The following GALNTL6 variants were observed in gnomAD, a reference collection of about 807,000 sequenced individuals.
GALNTL6 encodes the protein polypeptide N-acetylgalactosaminyltransferase like 6.
Under a neutral mutation model 73.7 loss-of-function variants are expected in GALNTL6, and 46 were observed. That is an observed-to-expected ratio of 0.62 (90% CI 0.49 to 0.80). The LOEUF (loss-of-function observed/expected upper bound fraction) is 0.80. Ranked by LOEUF, GALNTL6 falls within the 30% of genes least tolerant of loss-of-function variation. GALNTL6 has a pLI of 0.00. For missense variants in GALNTL6, 604 were observed against 755.0 expected (o/e 0.80, Z 2.34); for synonymous variants, 259 against 263.7 (o/e 0.98, Z 0.17).
intron 2 of GALNTL6, among the ~76,000 whole-genome samples, chr4:172,032,386 G>A (rs891758255): frequency 6.6e-6 from 1 of 152,030 alleles, no homozygotes; most frequent in African/African-American, 2.4e-5. Flanking sequence ...CAGAGACTTG[G>A]AGGGAAAATA....
At chr4:172,906,054 C>A (rs760343813) in intron 8 of GALNTL6, among the ~76,000 whole-genome samples, 10 of 152,140 alleles carry the variant, frequency 6.6e-5, no homozygotes, top group Non-Finnish European at 1.5e-4. Context: ...AATCAGTAAT[C>A]GCTTGCTTGA....
intron 7 of GALNTL6, among the ~76,000 whole-genome samples, chr4:172,851,007 G>A (rs1743785821): frequency 6.6e-6 from 1 of 152,044 alleles, no homozygotes; most frequent in African/African-American, 2.4e-5. Flanking sequence ...TTTTATGGCA[G>A]TTTCATCACA....
chr4:172,327,020 C>A (rs1740966443), intron 4 of GALNTL6, among the ~76,000 whole-genome samples: 1 of 151,668 alleles, frequency 6.6e-6, no homozygotes. Context: ...TATTATAAGC[C>A]TAAAAATATA....
intron 10 of GALNTL6, among the ~76,000 whole-genome samples, chr4:172,970,853 G>T (rs1449752331): frequency 6.6e-6 from 1 of 152,194 alleles, no homozygotes; most frequent in Non-Finnish European, 1.5e-5. Context: ...TTCAGAGATT[G>T]CAGTAAGGAC....
At chr4:171,884,681 A>G (rs1736559091) in intron 2 of GALNTL6, among the ~76,000 whole-genome samples, 1 of 152,174 alleles carries the variant, frequency 6.6e-6, no homozygotes. Context: ...ATTTTGGGTC[A>G]TTTGTGGTAA....
chr4:172,058,858 T>C (rs535651914), intron 2 of GALNTL6, among the ~76,000 whole-genome samples: 2 of 152,306 alleles, frequency 1.3e-5, no homozygotes, highest in East Asian at 1.9e-4. Context: ...AAAGGGAACA[T>C]TTAGAAGACG....
intron 2 of GALNTL6, among the ~76,000 whole-genome samples, chr4:171,944,678 C>T (rs1738648687): frequency 6.6e-6 from 1 of 151,736 alleles, no homozygotes; most frequent in African/African-American, 2.4e-5. Context: ...ATTTAAGTTT[C>T]CTCTGGGTGT....
At chr4:172,966,148 A>G (rs927623529) in intron 10 of GALNTL6, among the ~76,000 whole-genome samples, 2 of 152,240 alleles carry the variant, frequency 1.3e-5, no homozygotes, top group African/African-American at 4.8e-5. Context: ...TAGCATATGT[A>G]CAAAAATTCA....
At chr4:172,790,231 A>G (rs764741311) in intron 5 of GALNTL6, among the ~76,000 whole-genome samples, 7 of 152,194 alleles carry the variant, frequency 4.6e-5, no homozygotes, top group South Asian at 4.1e-4. Flanking sequence ...ATTCACAAAT[A>G]TATTTTCTTC....
chr4:172,810,656 A>C (rs76999796), intron 6 of GALNTL6, among the ~76,000 whole-genome samples: 1 of 152,118 alleles, frequency 6.6e-6, no homozygotes, highest in African/African-American at 2.4e-5. Flanking sequence ...AATAACCAGC[A>C]CCCAACACCC....
chr4:172,444,750 G>A (rs1269161704), intron 5 of GALNTL6, among the ~76,000 whole-genome samples: 1 of 152,052 alleles, frequency 6.6e-6, no homozygotes, highest in African/African-American at 2.4e-5. Flanking sequence ...AAATTAGGCA[G>A]CAAAATACCT....
intron 5 of GALNTL6, among the ~76,000 whole-genome samples, chr4:172,541,968 T>C (rs1339387065): frequency 6.6e-6 from 1 of 151,944 alleles, no homozygotes; most frequent in Non-Finnish European, 1.5e-5. Context: ...CTGGGACCAA[T>C]TATTATTAGT....
intron 7 of GALNTL6, among the ~76,000 whole-genome samples, chr4:172,857,876 G>T (rs1358908743): frequency 6.6e-6 from 1 of 152,182 alleles, no homozygotes; most frequent in East Asian, 1.9e-4. Flanking sequence ...TACCGTGGTA[G>T]GGGTGGGTTG....
intron 5 of GALNTL6, among the ~76,000 whole-genome samples, chr4:172,603,433 T>C (rs1738141690): frequency 6.6e-6 from 1 of 152,190 alleles, no homozygotes; most frequent in Non-Finnish European, 1.5e-5. Flanking sequence ...CCAAGTGCAT[T>C]TGCCCAAACC....
At chr4:172,912,101 C>T (rs1747233845) in intron 8 of GALNTL6, among the ~76,000 whole-genome samples, 1 of 152,322 alleles carries the variant, frequency 6.6e-6, no homozygotes, top group African/African-American at 2.4e-5. Context: ...TTGCCCCCCA[C>T]ACAAGAGGTA....
intron 5 of GALNTL6, among the ~76,000 whole-genome samples, chr4:172,491,623 T>A (rs1733896997): frequency 6.6e-6 from 1 of 152,122 alleles, no homozygotes; most frequent in African/African-American, 2.4e-5. Flanking sequence ...TCATAAGCAA[T>A]GCATTCAAAG....
At chr4:172,073,752 T>C (rs1249352368) in intron 2 of GALNTL6, among the ~76,000 whole-genome samples, 2 of 152,210 alleles carry the variant, frequency 1.3e-5, no homozygotes, top group African/African-American at 4.8e-5. Context: ...TGGAGATTGC[T>C]GAAAAGCACT....
chr4:172,524,851 A>T (rs892578777), intron 5 of GALNTL6, among the ~76,000 whole-genome samples: 2 of 152,124 alleles, frequency 1.3e-5, no homozygotes, highest in African/African-American at 4.8e-5. Context: ...CTTTTTATTA[A>T]TCTTTCTCTA....
At chr4:172,598,547 A>G (rs1365584976) in intron 5 of GALNTL6, among the ~76,000 whole-genome samples, 1 of 152,154 alleles carries the variant, frequency 6.6e-6, no homozygotes, top group Non-Finnish European at 1.5e-5. Context: ...AATAGAAAGG[A>G]GCAATTAACA....
Sources: gnomAD v4.1 joint callset for allele counts (sites outside exome capture counted in the v4.1 genomes callset) on GRCh38, gnomAD v4.1.1 for gene constraint, MANE v1.5 for transcripts, NCBI Gene and HGNC (gene_info 2026-07-23, HGNC 2026-07-21) for gene names.